Variants in PLXNA4 observed in about 807,000 individuals in gnomAD.
PLXNA4 encodes the protein plexin-A4.
PLXNA4 carries 44 observed loss-of-function variants against 191.8 expected under a neutral mutation model. That is an observed-to-expected ratio of 0.23 (90% CI 0.18 to 0.29). The LOEUF is 0.29. PLXNA4 is among the 10% of genes least tolerant of loss of function. PLXNA4 has a pLI of 1.00. For synonymous variants in PLXNA4, 1,082 were observed against 1,009.5 expected (o/e 1.07, Z -1.36); for missense variants, 1,800 against 2,488.8 (o/e 0.72, Z 5.89).
At chr7:132,447,976 A>C (rs960733066) in intron 3 of PLXNA4, among the ~76,000 whole-genome samples, 9 of 152,144 alleles carry the variant, frequency 5.9e-5, no homozygotes, top group Non-Finnish European at 1.0e-4. Flanking sequence ...ATGGCGCTGC[A>C]CTCCAGCCTG....
At chr7:132,248,732 A>T (rs1799143780) in intron 4 of PLXNA4, among the ~76,000 whole-genome samples, 1 of 152,212 alleles carries the variant, frequency 6.6e-6, no homozygotes, top group Admixed American at 6.5e-5. Flanking sequence ...GCCCCTCAGC[A>T]AAGTACTAAA....
Position 132,174,818 on chromosome 7 carries a change from A to T in PLXNA4, c.3977T>A (p.Phe1326Tyr). Residue 1326 changes from phenylalanine (F) to tyrosine (Y), a missense_variant, in exon 21 of 32, where the codon TTC becomes TAC. By Grantham distance (22) the Phe-to-Tyr change is conservative. Transcript: ENST00000321063. ...DYRTYTMRVL[F>Y]PGIEDHPVLR... Reference sequence around the variant, plus strand: ...GACAGGGTGGTCTTCAATTCCTGGGAACAGCACCCGCATGGTGTAAGTTCT... The same window carrying T: ...GACAGGGTGGTCTTCAATTCCTGGGTACAGCACCCGCATGGTGTAAGTTCT... 2.5e-6 allele frequency: 4 copies of T among 1,614,162 alleles called. No homozygotes were observed. The highest frequency in any genetic ancestry group is 3.4e-6 in the Non-Finnish European group (4 of 1,179,998).
At chr7:132,175,777 C>T (rs1026285979) in intron 20 of PLXNA4, among the ~76,000 whole-genome samples, 23 of 152,212 alleles carry the variant, frequency 1.5e-4, no homozygotes, top group African/African-American at 5.3e-4. Context: ...TTCCCTGCTC[C>T]GCCTTTCTCT....
chr7:132,421,508 C>T (rs886101997), intron 3 of PLXNA4, among the ~76,000 whole-genome samples: 11 of 152,182 alleles, frequency 7.2e-5, no homozygotes, highest in African/African-American at 1.2e-4. Context: ...TCAGGGCAAC[C>T]GAGTGGGCTT....
chr7:132,399,178 G>C (rs1246095438), intron 3 of PLXNA4, among the ~76,000 whole-genome samples: 1 of 152,134 alleles, frequency 6.6e-6, no homozygotes, highest in Non-Finnish European at 1.5e-5. Context: ...TTTACACACA[G>C]TTCTGCAGAT....
At position 132,447,888 on chromosome 7, in the gene PLXNA4, C is replaced by G. The variant is rs146209477; in HGVS notation, c.1371+41404G>C. 1.2e-3 allele frequency among the ~76,000 whole-genome samples: 190 copies of G among 152,056 alleles called. 1 individual carries two copies. Among genetic ancestry groups the G allele is most frequent in the African/African-American group, 4.2e-3 (176 of 41,472 alleles). On this transcript the variant is annotated intron_variant, in intron 3 of 31. Coordinates refer to ENST00000321063, the MANE Select transcript of PLXNA4 (RefSeq NM_020911.2). The stretch of plus-strand genomic sequence containing the variant: ...TAGCCAGGTGTGGTGGTGTGTGCCT[C>G]TGGTCCCAGCTACTTAGGAGGCTGA...
At chr7:132,272,254 T>C (rs1402560735) in intron 4 of PLXNA4, among the ~76,000 whole-genome samples, 1 of 152,252 alleles carries the variant, frequency 6.6e-6, no homozygotes, top group African/African-American at 2.4e-5. Flanking sequence ...TATACCTTTG[T>C]CTGCATTTCT....
intron 3 of PLXNA4, among the ~76,000 whole-genome samples, chr7:132,425,094 C>T (rs1794993584): frequency 2.0e-5 from 3 of 152,224 alleles, no homozygotes; most frequent in Admixed American, 1.3e-4. Context: ...GGACCCTCCG[C>T]ACTGCCAAGT....
At chr7:132,316,397 T>G (rs1050681332) in intron 3 of PLXNA4, among the ~76,000 whole-genome samples, 1 of 152,170 alleles carries the variant, frequency 6.6e-6, no homozygotes, top group Non-Finnish European at 1.5e-5. Context: ...GCATGGAAAA[T>G]GGTGGACTTA....
chr7:132,520,660 CA>C (rs1251621081), intron 1 of PLXNA4, among the ~76,000 whole-genome samples: 1 of 152,158 alleles, frequency 6.6e-6, no homozygotes, highest in Non-Finnish European at 1.5e-5. Context: ...AATGATAATA[CA>C]TGCAAGGTTT....
rs1803719292 is a variant in PLXNA4 at position 132,640,451 on chromosome 7, G to GTCTTATA, written c.-87+5476_-87+5477insTATAAGA. Among the ~76,000 whole-genome samples the GTCTTATA allele has an allele frequency of 2.1e-4, 32 of 152,284 alleles. No individual in the cohort carries two copies. The South Asian group carries it at 6.4e-3, about 31-fold the overall frequency. On this transcript the variant is annotated intron_variant, in intron 2 of 4. Coordinates refer to the PLXNA4 transcript ENST00000378539. ...TTTGGGGAGGTAATTAAGGTTAAAT[G>GTCTTATA]AGGTCATATGACTGGTGTCCTTATA... is the stretch of plus-strand genomic sequence containing the variant.
At chr7:132,544,489 G>A (rs1488165681) in intron 1 of PLXNA4, among the ~76,000 whole-genome samples, 3 of 152,230 alleles carry the variant, frequency 2.0e-5, no homozygotes, top group African/African-American at 7.2e-5. Context: ...TGGATTACAA[G>A]CCAGGAAGTT....
chr7:132,427,863 C>A (rs558909417), intron 3 of PLXNA4, among the ~76,000 whole-genome samples: 1 of 152,366 alleles, frequency 6.6e-6, no homozygotes, highest in South Asian at 2.1e-4. Flanking sequence ...ATGGAAGTGA[C>A]CATCTCCCCG....
intron 3 of PLXNA4, among the ~76,000 whole-genome samples, chr7:132,312,200 G>T (rs991443130): frequency 4.0e-5 from 6 of 151,198 alleles, no homozygotes; most frequent in Non-Finnish European, 5.9e-5. Context: ...TACTCCTTCT[G>T]CCAGAAGCCT....
chr7:132,634,703 C>T (rs1318225961), intron 2 of PLXNA4, among the ~76,000 whole-genome samples: 1 of 152,222 alleles, frequency 6.6e-6, no homozygotes, highest in Non-Finnish European at 1.5e-5. Flanking sequence ...TCTCAAGGAG[C>T]CCATCTGAGA....
rs1472405500 is a variant in PLXNA4, at chr7:132,127,274, T to C, written c.*3205A>G. Reference sequence around the variant, plus strand: ...TAAGGAAGATGGCCTTTTCTCTCCTTCTGTCTGCTCATGACTCAACATAAT... The same window carrying C: ...TAAGGAAGATGGCCTTTTCTCTCCTCCTGTCTGCTCATGACTCAACATAAT... On this transcript the variant is annotated 3_prime_UTR_variant, in exon 32 of 32. Coordinates refer to ENST00000321063, the MANE Select transcript of PLXNA4 (RefSeq NM_020911.2). 6.6e-6 allele frequency: 1 copy of C among 152,172 alleles called. No individual in the cohort carries two copies. Among genetic ancestry groups the C allele is most frequent in the Non-Finnish European group, 1.5e-5 (1 of 68,054 alleles). The allele number at this position is 152,172 out of a possible 1,614,324, so 9.4% of individuals were successfully genotyped here.
At chr7:132,152,112 C>T (rs766326416) in intron 25 of PLXNA4, among the ~76,000 whole-genome samples, 11 of 152,194 alleles carry the variant, frequency 7.2e-5, no homozygotes, top group South Asian at 4.2e-4. Flanking sequence ...CGCTCTTGCA[C>T]GACTTCCTGA....
At chr7:132,294,555 A>G (rs1801008256) in intron 4 of PLXNA4, among the ~76,000 whole-genome samples, 1 of 152,200 alleles carries the variant, frequency 6.6e-6, no homozygotes, top group Non-Finnish European at 1.5e-5. Context: ...GGAAACAGAG[A>G]GAGTAGTTGG....
chr7:132,604,408 C>T (rs1459292225), intron 2 of PLXNA4, among the ~76,000 whole-genome samples: 12 of 152,276 alleles, frequency 7.9e-5, no homozygotes, highest in Admixed American at 2.0e-4. Context: ...CAAGGCTCTG[C>T]TTCTAATTCA....
Sources: allele counts gnomAD v4.1 joint callset (sites outside exome capture counted in the v4.1 genomes callset), GRCh38; gene constraint gnomAD v4.1.1; transcripts MANE v1.5; gene names NCBI Gene and HGNC (gene_info 2026-07-23, HGNC 2026-07-21).